CSMD1: variants seen among roughly 807,000 people sequenced by gnomAD.
CSMD1 encodes the protein CUB and sushi domain-containing protein 1.
CSMD1 carries 213 observed loss-of-function variants against 417.5 expected under a neutral mutation model. The ratio of observed to expected loss-of-function variants is 0.51; its 90% confidence interval spans 0.46 to 0.57. The LOEUF is 0.57. CSMD1 is among the 20% of genes least tolerant of loss of function. The probability of loss-of-function intolerance (pLI) is 0.00; values close to 1 mark genes in which losing one functional copy is unlikely to be tolerated. For synonymous variants in CSMD1, 2,862 were observed against 1,736.8 expected (o/e 1.65, Z -16.11); for missense variants, 6,923 against 4,529.7 (o/e 1.53, Z -15.17).
At chr8:3,077,226 A>T (rs1813748030) in intron 49 of CSMD1, among the ~76,000 whole-genome samples, 1 of 151,218 alleles carries the variant, frequency 6.6e-6, no homozygotes, top group East Asian at 1.9e-4. Context: ...TTGGTCATGG[A>T]GGACTAAACA....
intron 12 of CSMD1, among the ~76,000 whole-genome samples, chr8:3,458,601 C>T (rs999661648): frequency 2.6e-5 from 4 of 152,162 alleles, no homozygotes; most frequent in South Asian, 4.1e-4. Context: ...TCATCTTATT[C>T]GTCTTGCGTT....
At chr8:3,815,990 C>T (rs1349907048) in intron 5 of CSMD1, among the ~76,000 whole-genome samples, 1 of 152,168 alleles carries the variant, frequency 6.6e-6, no homozygotes, top group Non-Finnish European at 1.5e-5. Context: ...GAAAGCATTA[C>T]AACATCAAAC....
intron 8 of CSMD1, among the ~76,000 whole-genome samples, chr8:3,602,620 C>G (rs757034492): frequency 6.6e-6 from 1 of 151,790 alleles, no homozygotes; most frequent in Non-Finnish European, 1.5e-5. Context: ...TAGAATATGG[C>G]AAACACATGG....
rs143218800 is a variant in CSMD1, at chr8:3,874,005, G to T, written c.819-119963C>A. ...TAGGTCTGTTTATACACACTGTGCGGCTGTAGAACTTCTCTGTCAAATTAG... is the reference window on the plus strand; with the variant it reads ...TAGGTCTGTTTATACACACTGTGCGTCTGTAGAACTTCTCTGTCAAATTAG... On this transcript the variant is annotated intron_variant, in intron 5 of 69. Transcript: ENST00000635120. Among the ~76,000 whole-genome samples, 320 of 152,294 alleles carry T rather than the reference G, an allele frequency of 2.1e-3. 2 individuals are homozygous for T. The highest frequency in any genetic ancestry group is 7.5e-3 in the African/African-American group (311 of 41,560).
At chr8:4,571,364 A>C (rs1442532213) in intron 2 of CSMD1, among the ~76,000 whole-genome samples, 1 of 152,180 alleles carries the variant, frequency 6.6e-6, no homozygotes, top group Non-Finnish European at 1.5e-5. Flanking sequence ...CTGGTTTCAA[A>C]GAACTTATTT....
At chr8:4,565,079 T>A (rs1401899991) in intron 2 of CSMD1, among the ~76,000 whole-genome samples, 1 of 152,186 alleles carries the variant, frequency 6.6e-6, no homozygotes, top group African/African-American at 2.4e-5. Context: ...AAGAAAAACT[T>A]TCCCTGAGTG....
intron 49 of CSMD1, among the ~76,000 whole-genome samples, chr8:3,078,028 A>G (rs560356198): frequency 6.6e-6 from 1 of 152,318 alleles, no homozygotes; most frequent in South Asian, 2.1e-4. Context: ...TTTGTGAAAT[A>G]TTTTGAGTAT....
intron 10 of CSMD1, among the ~76,000 whole-genome samples, chr8:3,530,687 C>A (rs560150886): frequency 1.3e-5 from 2 of 152,042 alleles, no homozygotes; most frequent in East Asian, 3.9e-4. Flanking sequence ...CCCGCCACCA[C>A]AGCCAGCTAA....
At chr8:3,155,662 C>T (rs1007619620) in intron 39 of CSMD1, among the ~76,000 whole-genome samples, 3 of 151,162 alleles carry the variant, frequency 2.0e-5, no homozygotes, top group Non-Finnish European at 3.0e-5. Context: ...CCACCGCGCC[C>T]GGTCAAGGCT....
intron 1 of CSMD1, among the ~76,000 whole-genome samples, chr8:4,761,098 G>A (rs150206011): frequency 6.6e-5 from 10 of 152,130 alleles, no homozygotes; most frequent in African/African-American, 2.2e-4. Context: ...TCAGACTGCA[G>A]GTAAATGTAT....
rs983915016 is a variant in CSMD1, at chr8:4,801,160, T to C, written c.86-163602A>G. Among the ~76,000 whole-genome samples the C allele has an allele frequency of 3.9e-5, 6 of 152,238 alleles. No individual in the cohort carries two copies. The South Asian group carries it at 6.2e-4, about 16-fold the overall frequency. On this transcript the variant is annotated intron_variant, in intron 1 of 69. Coordinates refer to ENST00000635120, the MANE Select transcript of CSMD1 (RefSeq NM_033225.6). ...TTTTGTATCTTACCTTAAATCAATG[T>C]CTTACTTCAGACTGTCTGTGCCCTT...
At chr8:3,013,743 T>A (rs1489855216) in intron 52 of CSMD1, among the ~76,000 whole-genome samples, 8 of 141,582 alleles carry the variant, frequency 5.7e-5, no homozygotes, top group Admixed American at 2.8e-4. Context: ...TGAGACTCCA[T>A]CTCAGAAAAA....
Position 4,077,755 on chromosome 8 carries a change from T to C in CSMD1, c.416-45656A>G, listed in dbSNP as rs115126265. On this transcript the variant is annotated intron_variant, in intron 3 of 69. Coordinates refer to ENST00000635120, the MANE Select transcript of CSMD1 (RefSeq NM_033225.6). ...TCTTTATTCTCTTGTCCCAATGCTATTGCCCTATGATAAGCATTTTTCAGC... is the reference window on the plus strand; with the variant it reads ...TCTTTATTCTCTTGTCCCAATGCTACTGCCCTATGATAAGCATTTTTCAGC... Among the ~76,000 whole-genome samples, 245 of 152,336 alleles carry C rather than the reference T, an allele frequency of 1.6e-3. 1 individual carries two copies. The highest frequency in any genetic ancestry group is 5.5e-3 in the African/African-American group (227 of 41,576).
intron 10 of CSMD1, among the ~76,000 whole-genome samples, chr8:3,503,869 G>C (rs930972263): frequency 2.1e-5 from 3 of 144,744 alleles, no homozygotes; most frequent in Non-Finnish European, 4.5e-5. Flanking sequence ...CTAGCCCCTG[G>C]TAGCCACTGT....
intron 3 of CSMD1, among the ~76,000 whole-genome samples, chr8:4,141,694 G>C (rs548509024): frequency 6.6e-6 from 1 of 151,060 alleles, no homozygotes; most frequent in African/African-American, 2.5e-5. Flanking sequence ...TTAAATTTTG[G>C]AGAGCAGGCA....
chr8:3,615,329 TA>T (rs1802081879), intron 8 of CSMD1, among the ~76,000 whole-genome samples: 1 of 152,144 alleles, frequency 6.6e-6, no homozygotes, highest in Admixed American at 6.6e-5. Flanking sequence ...GAGTCTCCAG[TA>T]AAAACATCCT....
intron 2 of CSMD1, among the ~76,000 whole-genome samples, chr8:4,526,560 C>T (rs181521446): frequency 1.8e-4 from 28 of 152,320 alleles, no homozygotes; most frequent in Admixed American, 1.4e-3. Context: ...TGGTCTATTA[C>T]GAAGGTAGCT....
chr8:4,991,052 A>G (rs1811438060), intron 1 of CSMD1, among the ~76,000 whole-genome samples: 1 of 152,044 alleles, frequency 6.6e-6, no homozygotes, highest in African/African-American at 2.4e-5. Context: ...CTCCTTTAGG[A>G]CGCTTTCTGG....
At chr8:3,525,880 G>T (rs1275433802) in intron 10 of CSMD1, among the ~76,000 whole-genome samples, 1 of 152,076 alleles carries the variant, frequency 6.6e-6, no homozygotes, top group Non-Finnish European at 1.5e-5. Flanking sequence ...TTATTAACTT[G>T]ATCTGTATAA....
Sources: allele counts gnomAD v4.1 joint callset (sites outside exome capture counted in the v4.1 genomes callset), GRCh38; gene constraint gnomAD v4.1.1; transcripts MANE v1.5; gene names NCBI Gene and HGNC (gene_info 2026-07-23, HGNC 2026-07-21).